PIAS1: variants seen among roughly 807,000 people sequenced by gnomAD.
PIAS1 encodes E3 SUMO-protein ligase PIAS1.
A neutral mutation model predicts 71.3 loss-of-function variants in PIAS1; 6 were observed. The observed-to-expected ratio is 0.08, with a 90% CI of 0.05 to 0.17. PIAS1 has a LOEUF of 0.17. Among genes scored for constraint, PIAS1 ranks in the 10% least tolerant of loss-of-function variants. PIAS1 has a pLI of 1.00. For missense variants in PIAS1, 555 were observed against 793.6 expected (o/e 0.70, Z 3.61); for synonymous variants, 303 against 292.9 (o/e 1.03, Z -0.35).
At chr15:68,140,687 G>A (rs895421019) in intron 2 of PIAS1, among the ~76,000 whole-genome samples, 9 of 152,014 alleles carry the variant, frequency 5.9e-5, no homozygotes, top group African/African-American at 9.7e-5. Context: ...GACTTTTTGC[G>A]TGACATATTG....
chr15:68,074,879 G>A (rs2092141192), intron 1 of PIAS1, among the ~76,000 whole-genome samples: 1 of 150,028 alleles, frequency 6.7e-6, no homozygotes, highest in Admixed American at 6.6e-5. Flanking sequence ...TAATGTTTTG[G>A]ATATGTTAAA....
intron 2 of PIAS1, among the ~76,000 whole-genome samples, chr15:68,107,940 T>C (rs1394525926): frequency 1.3e-5 from 2 of 152,184 alleles, no homozygotes; most frequent in African/African-American, 4.8e-5. Context: ...TATTAACTAA[T>C]CTTGTACAAG....
intron 1 of PIAS1, among the ~76,000 whole-genome samples, chr15:68,072,519 G>A (rs2092110061): frequency 6.6e-6 from 1 of 151,126 alleles, no homozygotes; most frequent in Admixed American, 6.6e-5. Flanking sequence ...TGCTATAAAG[G>A]AAAGGGACAG....
chr15:68,077,229 G>C (rs566865364), intron 1 of PIAS1, among the ~76,000 whole-genome samples: 1 of 152,108 alleles, frequency 6.6e-6, no homozygotes, highest in African/African-American at 2.4e-5. Flanking sequence ...AACCTAAAAC[G>C]TGAATGACTT....
rs989593958 is a variant in PIAS1 at position 68,185,368 on chromosome 15, T to C, written c.1662+1701T>C. On this transcript the variant is annotated intron_variant, in intron 13 of 13. Coordinates refer to ENST00000249636, the MANE Select transcript of PIAS1 (RefSeq NM_016166.3). The surrounding 1 kb of genome is among the most constrained non-coding windows in gnomAD (Gnocchi z 4.4). ...ATCTAGAAGACACTGAAGAAGTTTG[T>C]TCATGACTTCAAAGAATCTGCTAAG... Among the ~76,000 whole-genome samples the C allele has an allele frequency of 1.3e-5, 2 of 152,162 alleles. No homozygotes were observed. The highest frequency in any genetic ancestry group is 6.5e-5 in the Admixed American group (1 of 15,278).
chr15:68,129,731 A>C (rs2092676012), intron 2 of PIAS1, among the ~76,000 whole-genome samples: 1 of 151,858 alleles, frequency 6.6e-6, no homozygotes, highest in Non-Finnish European at 1.5e-5. Flanking sequence ...ATATGTTGAA[A>C]TGAAAACATG....
At position 68,178,340 on chromosome 15, in the gene PIAS1, A is replaced by G. The variant is rs2093032871; in HGVS notation, c.1481+1686A>G. On this transcript the variant is annotated intron_variant, in intron 11 of 13. Coordinates refer to ENST00000249636, the MANE Select transcript of PIAS1 (RefSeq NM_016166.3). The surrounding 1 kb of genome is among the most constrained non-coding windows in gnomAD (Gnocchi z 4.2). Reference sequence around the variant, plus strand: ...TCATTCTACAGTAGTCCATCTTGGCATACAGACAGAAACAAAGACATTAAA... The same window carrying G: ...TCATTCTACAGTAGTCCATCTTGGCGTACAGACAGAAACAAAGACATTAAA... Among the ~76,000 whole-genome samples the G allele has an allele frequency of 6.6e-6, 1 of 152,252 alleles. No homozygotes were observed. Among genetic ancestry groups the G allele is most frequent in the Non-Finnish European group, 1.5e-5 (1 of 68,044 alleles).
chr15:68,144,803 A>G (rs2092796797), intron 4 of PIAS1, among the ~76,000 whole-genome samples: 3 of 152,168 alleles, frequency 2.0e-5, no homozygotes, highest in South Asian at 2.1e-4. Flanking sequence ...TGGTTTCCCT[A>G]TAAAACTGAA....
chr15:68,119,002 A>G (rs1476940951), intron 2 of PIAS1, among the ~76,000 whole-genome samples: 3 of 152,014 alleles, frequency 2.0e-5, no homozygotes, highest in Non-Finnish European at 2.9e-5. Flanking sequence ...GAGCACAACA[A>G]CCTACAGAAT....
chr15:68,112,745 T>C (rs960149616), intron 2 of PIAS1, among the ~76,000 whole-genome samples: 2 of 152,214 alleles, frequency 1.3e-5, no homozygotes, highest in African/African-American at 4.8e-5. Flanking sequence ...TACCATTTGG[T>C]TATGCAAATG....
chr15:68,110,213 A>T (rs573011107), intron 2 of PIAS1, among the ~76,000 whole-genome samples: 197 of 152,312 alleles, frequency 1.3e-3, no homozygotes, highest in Non-Finnish European at 2.4e-3. Context: ...AAAACAAAAG[A>T]ATACTTTTCA....
chr15:68,121,263 G>GTTTTTTT, intron 2 of PIAS1, among the ~76,000 whole-genome samples: 1 of 139,628 alleles, frequency 7.2e-6, no homozygotes, highest in Non-Finnish European at 1.6e-5. Flanking sequence ...ATGTTTTTTT[G>GTTTTTTT]TTTTTTTTTT....
intron 2 of PIAS1, among the ~76,000 whole-genome samples, chr15:68,105,815 T>G (rs563809269): frequency 1.3e-5 from 2 of 152,176 alleles, no homozygotes; most frequent in South Asian, 2.1e-4. Context: ...TAAAAAAAAT[T>G]TTTTTTAAAT....
intron 1 of PIAS1, among the ~76,000 whole-genome samples, chr15:68,060,788 A>G (rs561365477): frequency 1.9e-4 from 27 of 145,510 alleles, no homozygotes; most frequent in Non-Finnish European, 2.7e-4. Flanking sequence ...GGTTCAGGCA[A>G]TTCTCCTGCC....
At chr15:68,127,302 A>G (rs768461451) in intron 2 of PIAS1, among the ~76,000 whole-genome samples, 3 of 152,222 alleles carry the variant, frequency 2.0e-5, no homozygotes, top group East Asian at 1.9e-4. Context: ...GAGCAGTTCT[A>G]TCTGACTTTT....
rs145918396 is a variant in PIAS1 at position 68,173,579 on chromosome 15, G to T, written c.1009-153G>T. Among the ~76,000 whole-genome samples, 2 of 152,292 alleles carry T rather than the reference G, an allele frequency of 1.3e-5. No homozygotes were observed. The highest frequency in any genetic ancestry group is 4.8e-5 in the African/African-American group (2 of 41,562). The stretch of plus-strand genomic sequence containing the variant: ...TTTTTTAACCTATGGATATTTCACA[G>T]GAAATGTGTTTAATGTTCTTCTACA... On this transcript the variant is annotated intron_variant, in intron 8 of 13. Transcript: ENST00000249636. This position sits in a 1 kb window ranked among gnomAD's most constrained non-coding sequence, Gnocchi z 4.3.
intron 1 of PIAS1, among the ~76,000 whole-genome samples, chr15:68,057,764 CTTTTG>C (rs1228220833): frequency 1.3e-5 from 2 of 152,114 alleles, no homozygotes; most frequent in East Asian, 3.8e-4. Context: ...ATTTAGATGG[CTTTTG>C]TTTTATGTCA....
chr15:68,114,702 C>T (rs1290234115), intron 2 of PIAS1, among the ~76,000 whole-genome samples: 1 of 151,982 alleles, frequency 6.6e-6, no homozygotes, highest in Non-Finnish European at 1.5e-5. Flanking sequence ...TTTCTATCAT[C>T]AGAATCTCAA....
intron 2 of PIAS1, among the ~76,000 whole-genome samples, chr15:68,095,299 G>A (rs960351656): frequency 1.3e-5 from 2 of 151,908 alleles, no homozygotes; most frequent in Non-Finnish European, 2.9e-5. Flanking sequence ...GAATTCTGCC[G>A]TGCTTCGCTC....
Sources: gnomAD v4.1 joint callset for allele counts (sites outside exome capture counted in the v4.1 genomes callset) on GRCh38, gnomAD v4.1.1 for gene constraint, Gnocchi (gnomAD v3.1) non-coding constraint, MANE v1.5 for transcripts, NCBI Gene and HGNC (gene_info 2026-07-23, HGNC 2026-07-21) for gene names.